MECOM: variants seen among roughly 807,000 people sequenced by gnomAD.
The protein encoded by MECOM is histone-lysine N-methyltransferase MECOM.
Under a neutral mutation model 116.3 loss-of-function variants are expected in MECOM, and 13 were observed. That is an observed-to-expected ratio of 0.11 (90% CI 0.07 to 0.18). MECOM has a LOEUF of 0.18. Among genes scored for constraint, MECOM ranks in the 10% least tolerant of loss-of-function variants. MECOM has a pLI of 1.00. For synonymous variants in MECOM, 528 were observed against 535.2 expected, an observed-to-expected ratio of 0.99 and a Z score of 0.19; for missense variants, 1,299 against 1,509.0, an observed-to-expected ratio of 0.86 and a Z score of 2.31.
chr3:169,446,921 T>C, intron 1 of MECOM, among the ~76,000 whole-genome samples: 1 of 152,212 alleles, frequency 6.6e-6, no homozygotes, highest in East Asian at 1.9e-4. Context: ...CATGCCATTG[T>C]GGTTCACTAA....
intron 1 of MECOM, among the ~76,000 whole-genome samples, chr3:169,460,087 GCAGAAAAGC>G (rs2108730820): frequency 6.6e-6 from 1 of 151,268 alleles, no homozygotes; most frequent in Non-Finnish European, 1.5e-5. Flanking sequence ...CACAAAAGGA[GCAGAAAAGC>G]TGGGAACCAG....
In MECOM at chr3:169,486,763, G is replaced by A. The variant is rs894264738; in HGVS notation, c.38-105239C>T. 4.6e-5 allele frequency among the ~76,000 whole-genome samples: 7 copies of A among 152,160 alleles called. No individual in the cohort carries two copies. In the South Asian group the frequency reaches 8.3e-4, roughly 18 times the overall value. ...AAATGTGAAACTACTCCAAAGCAAC[G>A]TATTCTAAATGTAGGCTCTACAAGA... On this transcript the variant is annotated intron_variant, in intron 1 of 16. Transcript: ENST00000651503.
chr3:169,100,565 G>C (rs1027740865), intron 12 of MECOM, among the ~76,000 whole-genome samples: 2 of 152,036 alleles, frequency 1.3e-5, no homozygotes, highest in Non-Finnish European at 2.9e-5. Context: ...CCTAATTATT[G>C]AGAAAAGAGA....
intron 2 of MECOM, among the ~76,000 whole-genome samples, chr3:169,369,086 C>T (rs1276549481): frequency 6.6e-6 from 1 of 151,974 alleles, no homozygotes; most frequent in Non-Finnish European, 1.5e-5. Context: ...TTCCACTTCA[C>T]CAACTTCACT....
In MECOM at chr3:169,136,146, A is replaced by C. The variant is rs182212254; in HGVS notation, c.511-4615T>G. 4.6e-3 allele frequency among the ~76,000 whole-genome samples: 702 copies of C among 151,912 alleles called. 9 individuals are homozygous for C. Among genetic ancestry groups the C allele is most frequent in the African/African-American group, 0.016 (663 of 41,534 alleles). ...CAGCTAATACTCACAAGGCTAAGTT[A>C]AGTATAAAAGACAGTGGTGATATGA... On this transcript the variant is annotated intron_variant, in intron 3 of 16. Coordinates refer to ENST00000651503, the MANE Select transcript of MECOM (RefSeq NM_004991.4).
chr3:169,212,017 A>AT (rs1750787676), intron 2 of MECOM, among the ~76,000 whole-genome samples: 1 of 151,764 alleles, frequency 6.6e-6, no homozygotes, highest in African/African-American at 2.4e-5. Flanking sequence ...GTTATTCTTG[A>AT]TTTTTTCATT....
intron 2 of MECOM, among the ~76,000 whole-genome samples, chr3:169,378,266 A>C (rs1208802082): frequency 1.3e-5 from 2 of 150,970 alleles, no homozygotes; most frequent in African/African-American, 4.9e-5. Context: ...GCACGTGTAT[A>C]TCTATGTAAC....
At chr3:169,347,580 C>T (rs1225397118) in intron 2 of MECOM, among the ~76,000 whole-genome samples, 2 of 151,544 alleles carry the variant, frequency 1.3e-5, no homozygotes, top group Non-Finnish European at 2.9e-5. Context: ...AAATAAAAGA[C>T]AAAAAATGAG....
At chr3:169,439,516 A>T (rs890373320) in intron 1 of MECOM, among the ~76,000 whole-genome samples, 2 of 152,120 alleles carry the variant, frequency 1.3e-5, no homozygotes, top group Non-Finnish European at 2.9e-5. Flanking sequence ...GTCCACAAAC[A>T]TGTGAAATCA....
intron 2 of MECOM, among the ~76,000 whole-genome samples, chr3:169,334,996 A>G (rs1210719958): frequency 6.6e-6 from 1 of 152,178 alleles, no homozygotes; most frequent in Non-Finnish European, 1.5e-5. Context: ...ACAATTCTAA[A>G]AGGGCTCCAG....
chr3:169,626,950 T>C (rs1384869633), intron 1 of MECOM, among the ~76,000 whole-genome samples: 2 of 152,132 alleles, frequency 1.3e-5, no homozygotes, highest in Non-Finnish European at 2.9e-5. Flanking sequence ...TACACACACA[T>C]GCACAAACAC....
At chr3:169,233,013 C>A (rs866705754) in intron 2 of MECOM, among the ~76,000 whole-genome samples, 1 of 152,056 alleles carries the variant, frequency 6.6e-6, no homozygotes, top group African/African-American at 2.4e-5. Context: ...TCTTCGTAGA[C>A]CGAGCTTGGA....
At chr3:169,634,732 C>G (rs751406030) in intron 1 of MECOM, among the ~76,000 whole-genome samples, 46 of 152,092 alleles carry the variant, frequency 3.0e-4, no homozygotes, top group Non-Finnish European at 5.1e-4. Flanking sequence ...GGGTAATGTT[C>G]ATTTGGGAGC....
chr3:169,260,706 G>T (rs572893624), intron 2 of MECOM, among the ~76,000 whole-genome samples: 1 of 152,222 alleles, frequency 6.6e-6, no homozygotes, highest in South Asian at 2.1e-4. Flanking sequence ...CACTTGTCGA[G>T]AATGATAATA....
chr3:169,628,760 A>T (rs79181798), intron 1 of MECOM, among the ~76,000 whole-genome samples: 2,857 of 152,240 alleles, frequency 0.019, 91 homozygotes, highest in African/African-American at 0.065. Flanking sequence ...AGTTCTCAAG[A>T]AGGAGCTCAG....
At chr3:169,180,869 A>G (rs1460666873) in intron 2 of MECOM, among the ~76,000 whole-genome samples, 1 of 148,202 alleles carries the variant, frequency 6.7e-6, no homozygotes, top group Non-Finnish European at 1.5e-5. Context: ...ATTTAATTCA[A>G]TAAATATATA....
chr3:169,134,677 TTTGGAGACAC>T (rs1338325322), intron 3 of MECOM, among the ~76,000 whole-genome samples: 1 of 152,174 alleles, frequency 6.6e-6, no homozygotes, highest in African/African-American at 2.4e-5. Context: ...CCCTTAGGGT[TTTGGAGACAC>T]TTAAGCAACA....
chr3:169,367,218 A>T (rs1386748665), intron 2 of MECOM, among the ~76,000 whole-genome samples: 1 of 152,092 alleles, frequency 6.6e-6, no homozygotes, highest in African/African-American at 2.4e-5. Flanking sequence ...CACCTGCTGG[A>T]TGTGTGAGAT....
At chr3:169,643,062 G>A (rs1005638361) in intron 1 of MECOM, among the ~76,000 whole-genome samples, 1 of 152,168 alleles carries the variant, frequency 6.6e-6, no homozygotes, top group African/African-American at 2.4e-5. Context: ...TCTACAAATG[G>A]TTACTGCAAC....
Sources: gnomAD v4.1 joint callset for allele counts (sites outside exome capture counted in the v4.1 genomes callset) on GRCh38, gnomAD v4.1.1 for gene constraint, MANE v1.5 for transcripts, NCBI Gene and HGNC (gene_info 2026-07-23, HGNC 2026-07-21) for gene names.